Variants in DLGAP1 observed in about 807,000 individuals in gnomAD.
DLGAP1 encodes the protein DLG associated protein 1.
A neutral mutation model predicts 90.8 loss-of-function variants in DLGAP1; 11 were observed. That is an observed-to-expected ratio of 0.12 (90% CI 0.08 to 0.20). DLGAP1 has a LOEUF of 0.20. Among genes scored for constraint, DLGAP1 ranks in the 10% least tolerant of loss-of-function variants. The probability of loss-of-function intolerance (pLI) is 1.00; values close to 1 mark genes in which losing one functional copy is unlikely to be tolerated. For synonymous variants in DLGAP1, 558 were observed against 540.7 expected (o/e 1.03, Z -0.44); for missense variants, 1,050 against 1,333.8 (o/e 0.79, Z 3.31).
chr18:4,030,004 T>G (rs1038112932), intron 2 of DLGAP1, among the ~76,000 whole-genome samples: 9 of 152,300 alleles, frequency 5.9e-5, no homozygotes, highest in African/African-American at 2.2e-4. Context: ...ATTATTATTA[T>G]TTTTTGAGAC....
intron 2 of DLGAP1, among the ~76,000 whole-genome samples, chr18:4,088,066 T>C (rs2075713171): frequency 6.9e-6 from 1 of 145,248 alleles, no homozygotes; most frequent in South Asian, 2.2e-4. Context: ...TGATCTCTTG[T>C]TTATGTTTCT....
At chr18:3,885,485 AT>A (rs2071286297) in intron 3 of DLGAP1, 1 of 152,216 alleles carries the variant, frequency 6.6e-6, no homozygotes, top group African/African-American at 2.4e-5. Flanking sequence ...ATAAATAACA[AT>A]TCTCATTCTT....
chr18:3,885,549 A>G (rs1441493337), intron 3 of DLGAP1: 2 of 152,250 alleles, frequency 1.3e-5, no homozygotes, highest in Non-Finnish European at 2.9e-5. Flanking sequence ...ATTTTAAGTA[A>G]TGATAACAAT....
chr18:3,805,014 C>T (rs2066498057), intron 5 of DLGAP1, among the ~76,000 whole-genome samples: 1 of 152,186 alleles, frequency 6.6e-6, no homozygotes, highest in African/African-American at 2.4e-5. Flanking sequence ...CTCATCTTCT[C>T]CCCCATTAGA....
At chr18:4,298,573 T>TGAGATCACATGGACACAGGAAGGGG (rs2080041203) in intron 1 of DLGAP1, among the ~76,000 whole-genome samples, 1 of 150,356 alleles carries the variant, frequency 6.7e-6, no homozygotes, top group Admixed American at 6.6e-5. Flanking sequence ...AACTGAACGA[T>TGAGATCACATGGACACAGGAAGGGG]GAGATCACAT....
chr18:3,527,767 T>C (rs1436278356), intron 10 of DLGAP1, among the ~76,000 whole-genome samples: 3 of 151,828 alleles, frequency 2.0e-5, no homozygotes, highest in Admixed American at 6.6e-5. Flanking sequence ...ATTAAAAAAA[T>C]ATATATTTTT....
chr18:3,561,761 G>A (rs996389395), intron 9 of DLGAP1, among the ~76,000 whole-genome samples: 1 of 150,794 alleles, frequency 6.6e-6, no homozygotes, highest in East Asian at 1.9e-4. Flanking sequence ...TTTTTATAGT[G>A]ACTAAGCCTC....
intron 7 of DLGAP1, among the ~76,000 whole-genome samples, chr18:3,697,825 C>T (rs1048298245): frequency 6.6e-6 from 1 of 152,230 alleles, no homozygotes; most frequent in East Asian, 1.9e-4. Flanking sequence ...GCCTAAGTCT[C>T]TTTGTAGGTC....
At chr18:4,119,992 C>T (rs1325421596) in intron 2 of DLGAP1, among the ~76,000 whole-genome samples, 2 of 152,096 alleles carry the variant, frequency 1.3e-5, no homozygotes, top group Admixed American at 6.5e-5. Context: ...GAGAAACAAC[C>T]TTTTAACAGC....
intron 2 of DLGAP1, among the ~76,000 whole-genome samples, chr18:4,100,616 TTC>T: frequency 6.6e-6 from 1 of 152,230 alleles, no homozygotes; most frequent in African/African-American, 2.4e-5. Flanking sequence ...AGGCATTGAC[TTC>T]TCCCCTTTAG....
At chr18:4,366,065 C>A (rs543624213) in intron 1 of DLGAP1, among the ~76,000 whole-genome samples, 1 of 152,050 alleles carries the variant, frequency 6.6e-6, no homozygotes, top group African/African-American at 2.4e-5. Context: ...TACGTACTGT[C>A]AAAATGACCG....
chr18:3,624,941 C>T (rs1055179119), intron 7 of DLGAP1, among the ~76,000 whole-genome samples: 9 of 152,104 alleles, frequency 5.9e-5, no homozygotes, highest in Non-Finnish European at 1.3e-4. Context: ...AGCGGTTTCC[C>T]GCAGATGCTC....
intron 3 of DLGAP1, among the ~76,000 whole-genome samples, chr18:3,881,704 G>C (rs1257862579): frequency 6.6e-6 from 1 of 151,996 alleles, no homozygotes; most frequent in Non-Finnish European, 1.5e-5. Flanking sequence ...ACGAGGTCAG[G>C]AGATCGAGAC....
At chr18:4,326,217 C>T (rs760406519) in intron 1 of DLGAP1, among the ~76,000 whole-genome samples, 28 of 151,968 alleles carry the variant, frequency 1.8e-4, no homozygotes, top group Non-Finnish European at 3.7e-4. Flanking sequence ...TAAAAAGACA[C>T]ACATGCAGCC....
chr18:3,500,422 C>T (rs930692944), intron 12 of DLGAP1, among the ~76,000 whole-genome samples: 2 of 152,122 alleles, frequency 1.3e-5, no homozygotes. Context: ...GAAGCGTGAA[C>T]ATTATCTTAA....
At chr18:4,048,837 T>G (rs547446639) in intron 2 of DLGAP1, among the ~76,000 whole-genome samples, 13 of 152,340 alleles carry the variant, frequency 8.5e-5, no homozygotes, top group African/African-American at 2.9e-4. Context: ...TATAATACAT[T>G]ATCAACTGAG....
chr18:4,420,091 G>A (rs2082994674), intron 1 of DLGAP1, among the ~76,000 whole-genome samples: 1 of 152,084 alleles, frequency 6.6e-6, no homozygotes, highest in African/African-American at 2.4e-5. Context: ...TATTATCAGT[G>A]ATAAATAAGG....
At chr18:4,225,447 A>G (rs554848118) in intron 1 of DLGAP1, among the ~76,000 whole-genome samples, 1 of 152,152 alleles carries the variant, frequency 6.6e-6, no homozygotes, top group African/African-American at 2.4e-5. Flanking sequence ...ACCTCACCAA[A>G]TGAACTAAAT....
chr18:4,052,848 G>A (rs2075155694), intron 2 of DLGAP1, among the ~76,000 whole-genome samples: 2 of 152,044 alleles, frequency 1.3e-5, no homozygotes. Context: ...TTATCTATAG[G>A]GTGGAGGCAA....
Sources: allele counts gnomAD v4.1 joint callset (sites outside exome capture counted in the v4.1 genomes callset), GRCh38; gene constraint gnomAD v4.1.1; transcripts MANE v1.5; gene names NCBI Gene and HGNC (gene_info 2026-07-23, HGNC 2026-07-21).